DOCK8: variants seen among roughly 807,000 people sequenced by gnomAD.
DOCK8 encodes the protein dedicator of cytokinesis 8.
DOCK8 carries 141 observed loss-of-function variants against 245.6 expected under a neutral mutation model. The ratio of observed to expected loss-of-function variants is 0.57; its 90% confidence interval spans 0.50 to 0.66. DOCK8 has a LOEUF of 0.66. Ranked by LOEUF, DOCK8 falls within the 30% of genes least tolerant of loss-of-function variation. The probability of loss-of-function intolerance (pLI) is 0.00; values close to 1 mark genes in which losing one functional copy is unlikely to be tolerated. For missense variants in DOCK8, 2,965 were observed against 2,603.4 expected (o/e 1.14, Z -3.02); for synonymous variants, 1,168 against 970.2 (o/e 1.20, Z -3.79).
intron 1 of DOCK8, among the ~76,000 whole-genome samples, chr9:264,243 A>G (rs1012116970): frequency 1.3e-5 from 2 of 152,218 alleles, no homozygotes; most frequent in African/African-American, 4.8e-5. Context: ...GGGAGAGGAG[A>G]TGTCTCTGAA....
intron 1 of DOCK8, among the ~76,000 whole-genome samples, chr9:235,656 C>T (rs1382551758): frequency 2.6e-5 from 4 of 152,310 alleles, no homozygotes; most frequent in African/African-American, 9.6e-5. Context: ...TCTCAGACTG[C>T]TGTGCCAGCA....
rs192359283 is a variant in DOCK8 at position 250,362 on chromosome 9, G to A, written c.54-21265G>A. On this transcript the variant is annotated intron_variant, in intron 1 of 47. Coordinates refer to ENST00000432829, the MANE Select transcript of DOCK8 (RefSeq NM_203447.4). ...AAAGGGGGTGGTTTTGGGCTCAACAGCTTTGACATTGTCCCTTCAAGGAAT... is the reference window on the plus strand; with the variant it reads ...AAAGGGGGTGGTTTTGGGCTCAACAACTTTGACATTGTCCCTTCAAGGAAT... 1.6e-3 allele frequency among the ~76,000 whole-genome samples: 242 copies of A among 152,286 alleles called. 1 individual carries two copies. The highest frequency in any genetic ancestry group is 3.0e-3 in the Non-Finnish European group (204 of 68,026).
intron 2 of DOCK8, among the ~76,000 whole-genome samples, chr9:274,538 A>G (rs746104794): frequency 6.9e-6 from 1 of 144,044 alleles, no homozygotes; most frequent in Non-Finnish European, 1.5e-5. Context: ...CCATCTCCAT[A>G]ATGTTTACCT....
In DOCK8 at chr9:371,553, T is replaced by C. The variant is rs1376261761; in HGVS notation, c.1994T>C (p.Leu665Pro). The C allele has an allele frequency of 2.5e-6, 4 of 1,614,074 alleles. No homozygotes were observed. Among genetic ancestry groups the C allele is most frequent in the Admixed American group, 1.7e-5 (1 of 60,008 alleles). The change falls in exon 17 of 48, where the codon CTC becomes CCC. Residue 665 changes from leucine to proline, a missense_variant. Transcript: ENST00000432829. ...QQKQGASVET[L>P]LGYSWLPILL... The stretch of plus-strand genomic sequence containing the variant: ...AAGCAAGGAGCCTCCGTGGAAACTC[T>C]CCTGGGATATTCAGTGAGTTGTTTC...
chr9:450,822 A>T (rs1202747390), intron 45 of DOCK8, among the ~76,000 whole-genome samples: 11 of 151,614 alleles, frequency 7.3e-5, no homozygotes, highest in African/African-American at 2.7e-4. Flanking sequence ...TCTGTACACG[A>T]TGGATATCTC....
Position 414,810 on chromosome 9 carries a change from A to G in DOCK8, c.3559A>G (p.Ser1187Gly), listed in dbSNP as rs1279067889. ...GISKVQRKAV[S>G]AIHSLLSSHD... ...CAGCAAAGTACAAAGGAAAGCTGTC[A>G]GTGCAATTCACAGCCTGCTAAGTTC... is the stretch of plus-strand genomic sequence containing the variant. The change falls in exon 29 of 48, where the codon AGT becomes GGT. Residue 1187 changes from serine (S) to glycine (G), a missense_variant. Ser to Gly is a moderately conservative substitution (Grantham distance 56). Coordinates refer to ENST00000432829, the MANE Select transcript of DOCK8 (RefSeq NM_203447.4). 9 of 1,614,136 alleles carry G rather than the reference A, an allele frequency of 5.6e-6. No individual in the cohort carries two copies. Among genetic ancestry groups the G allele is most frequent in the Non-Finnish European group, 7.6e-6 (9 of 1,180,050 alleles).
At chr9:223,542 C>T (rs1028996504) in intron 1 of DOCK8, among the ~76,000 whole-genome samples, 7 of 151,926 alleles carry the variant, frequency 4.6e-5, no homozygotes, top group African/African-American at 1.7e-4. Flanking sequence ...TATCCAAAAA[C>T]ATTTTTGGAA....
intron 1 of DOCK8, among the ~76,000 whole-genome samples, chr9:216,081 G>A (rs952854718): frequency 6.6e-6 from 1 of 152,122 alleles, no homozygotes; most frequent in Non-Finnish European, 1.5e-5. Flanking sequence ...GTCTTCTAGA[G>A]GGCATATCGA....
chr9:418,286 T>C (rs2056120874), intron 30 of DOCK8, 79 bp downstream of exon 30: 1 of 1,582,580 alleles, frequency 6.3e-7, no homozygotes, highest in African/African-American at 1.3e-5. Flanking sequence ...TGTTTGTTTG[T>C]TTTGAGACAG....
rs147785081 is a variant in DOCK8 at position 409,549 on chromosome 9, A to G, written c.3530+2480A>G. On this transcript the variant is annotated intron_variant, in intron 28 of 47. Coordinates refer to ENST00000432829, the MANE Select transcript of DOCK8 (RefSeq NM_203447.4). ...TATTTTGTTTGAAAGAAAAAAATGTATATATATGTATATATTTTTTAAATC... is the reference window on the plus strand; with the variant it reads ...TATTTTGTTTGAAAGAAAAAAATGTGTATATATGTATATATTTTTTAAATC... Among the ~76,000 whole-genome samples, 1,107 of 152,256 alleles carry G rather than the reference A, an allele frequency of 7.3e-3. 18 individuals carry two copies. Among genetic ancestry groups the G allele is most frequent in the African/African-American group, 0.023 (968 of 41,536 alleles).
intron 1 of DOCK8, among the ~76,000 whole-genome samples, chr9:252,726 C>T (rs1459565018): frequency 1.3e-5 from 2 of 150,480 alleles, no homozygotes; most frequent in Non-Finnish European, 3.0e-5. Context: ...ATTGCTTGAA[C>T]CCGGGAGGTC....
At chr9:311,585 T>C (rs1267968785) in intron 5 of DOCK8, among the ~76,000 whole-genome samples, 1 of 152,084 alleles carries the variant, frequency 6.6e-6, no homozygotes, top group African/African-American at 2.4e-5. Flanking sequence ...CCTCCAGCTC[T>C]GTTTTGCTCT....
chr9:324,916 C>T (rs1013125513), intron 7 of DOCK8, among the ~76,000 whole-genome samples: 4 of 152,028 alleles, frequency 2.6e-5, no homozygotes, highest in African/African-American at 7.3e-5. Flanking sequence ...TTAGTGCACC[C>T]GTCACCCAAG....
intron 6 of DOCK8, chr9:314,241 C>T (rs1015604298): frequency 3.3e-5 from 5 of 152,206 alleles, no homozygotes; most frequent in African/African-American, 4.8e-5. Flanking sequence ...TTTGTCAAAA[C>T]ATATTAAATC....
rs147857010 is a variant in DOCK8, at chr9:316,474, T to C, written c.742-569T>C. On this transcript the variant is annotated intron_variant, in intron 6 of 47. Transcript: ENST00000432829. ...ACTAAATTTCATATACCTAGCACTTTAGGAAGCTCTAACTGCATAAGCCTG... is the reference window on the plus strand; with the variant it reads ...ACTAAATTTCATATACCTAGCACTTCAGGAAGCTCTAACTGCATAAGCCTG... 2.6e-5 allele frequency among the ~76,000 whole-genome samples: 4 copies of C among 152,316 alleles called. No homozygotes were observed. The East Asian group carries it at 5.8e-4, about 22-fold the overall frequency.
At chr9:223,856 C>T (rs1563819559) in intron 1 of DOCK8, among the ~76,000 whole-genome samples, 1 of 151,876 alleles carries the variant, frequency 6.6e-6, no homozygotes, top group African/African-American at 2.4e-5. Flanking sequence ...CCCTGCTGCT[C>T]CCTGAGAGTA....
chr9:216,855 C>A (rs541406214), intron 1 of DOCK8, among the ~76,000 whole-genome samples: 34 of 152,156 alleles, frequency 2.2e-4, no homozygotes, highest in Admixed American at 2.0e-3. Context: ...CAAGCAACTG[C>A]GGGGTCGGTG....
At chr9:430,910 C>T (rs1266218326) in intron 36 of DOCK8, among the ~76,000 whole-genome samples, 1 of 152,070 alleles carries the variant, frequency 6.6e-6, no homozygotes, top group Non-Finnish European at 1.5e-5. Flanking sequence ...TGCTCTGTCA[C>T]CCAGGCTGGA....
At chr9:265,030 C>T (rs1465118185) in intron 1 of DOCK8, among the ~76,000 whole-genome samples, 1 of 152,186 alleles carries the variant, frequency 6.6e-6, no homozygotes, top group African/African-American at 2.4e-5. Flanking sequence ...CTCCCAGGTT[C>T]AAGCGATTCT....
Sources: allele counts gnomAD v4.1 joint callset (sites outside exome capture counted in the v4.1 genomes callset), GRCh38; gene constraint gnomAD v4.1.1; transcripts MANE v1.5; gene names NCBI Gene and HGNC (gene_info 2026-07-23, HGNC 2026-07-21).